The following TTC28 variants were observed in gnomAD, a reference collection of about 807,000 sequenced individuals.
TTC28 encodes the protein tetratricopeptide repeat protein 28.
A neutral mutation model predicts 198.0 loss-of-function variants in TTC28; 61 were observed. The ratio of observed to expected loss-of-function variants is 0.31; its 90% CI spans 0.25 to 0.38. The LOEUF (loss-of-function observed/expected upper bound fraction) is 0.38, where lower values mean the gene tolerates loss of function less well. TTC28 is among the 10% of genes least tolerant of loss of function. The pLI, the probability that TTC28 is intolerant of heterozygous loss-of-function variation, is 1.00. For missense variants in TTC28, 2,678 were observed against 3,164.0 expected, an observed-to-expected ratio of 0.85 and a Z score of 3.69; for synonymous variants, 1,171 against 1,297.8, an observed-to-expected ratio of 0.90 and a Z score of 2.10.
intron 12 of TTC28, among the ~76,000 whole-genome samples, chr22:28,058,922 G>A (rs1204610595): frequency 6.6e-6 from 1 of 151,918 alleles, no homozygotes; most frequent in Non-Finnish European, 1.5e-5. Flanking sequence ...TCCTTGTTAT[G>A]TCCATAAGAT....
intron 1 of TTC28, among the ~76,000 whole-genome samples, chr22:28,634,529 C>T (rs557587184): frequency 8.2e-4 from 120 of 146,874 alleles, no homozygotes; most frequent in Non-Finnish European, 1.5e-3. Flanking sequence ...AAAAAAGAAA[C>T]GGAAATTTCT....
At chr22:28,365,051 A>G (rs2046226079) in intron 2 of TTC28, among the ~76,000 whole-genome samples, 1 of 152,238 alleles carries the variant, frequency 6.6e-6, no homozygotes, top group Admixed American at 6.5e-5. Context: ...GAGTCAATCA[A>G]TGCAGCAAAC....
intron 5 of TTC28, among the ~76,000 whole-genome samples, chr22:28,244,416 G>A (rs1929924897): frequency 3.3e-5 from 5 of 152,120 alleles, no homozygotes; most frequent in African/African-American, 1.2e-4. Flanking sequence ...AATTTACTGA[G>A]AAATAATGTA....
chr22:28,179,165 G>T (rs369419065), intron 5 of TTC28, among the ~76,000 whole-genome samples: 2,303 of 140,970 alleles, frequency 0.016, 29 homozygotes, highest in South Asian at 0.049. Flanking sequence ...TTTTTGTTTT[G>T]TTTTTTTTTT....
At chr22:28,127,411 A>G (rs1942945586) in intron 6 of TTC28, among the ~76,000 whole-genome samples, 1 of 152,130 alleles carries the variant, frequency 6.6e-6, no homozygotes, top group South Asian at 2.1e-4. Flanking sequence ...GCAACAACCA[A>G]CCAACCTCCC....
intron 5 of TTC28, among the ~76,000 whole-genome samples, chr22:28,238,909 C>T (rs79140964): frequency 0.018 from 2,687 of 152,254 alleles, 43 homozygotes; most frequent in Middle Eastern, 0.027. Flanking sequence ...CCAGATGGTT[C>T]AGACTCCCCA....
rs770868202 is a variant in TTC28, at chr22:28,098,877, T to A, written c.3547+38A>T. ...ATGGACGCGCACCCGTGCGCACTAG[T>A]GCACACGTAAGCAAGGAGTAACCCC... is the stretch of plus-strand genomic sequence containing the variant. On this transcript the variant is annotated intron_variant, in intron 10 of 22. Transcript: ENST00000397906. The A allele has an allele frequency of 2.6e-6, 4 of 1,549,162 alleles. No homozygotes were observed. In the South Asian group the frequency reaches 4.8e-5, roughly 18 times the overall value.
At chr22:28,400,745 TA>T (rs2146100625) in intron 2 of TTC28, among the ~76,000 whole-genome samples, 1 of 152,346 alleles carries the variant, frequency 6.6e-6, no homozygotes, top group Admixed American at 6.5e-5. Context: ...ACTTAATATG[TA>T]AATATTGGCT....
chr22:28,123,239 GGTT>G (rs1240732584), intron 6 of TTC28, among the ~76,000 whole-genome samples: 2 of 151,002 alleles, frequency 1.3e-5, no homozygotes, highest in Non-Finnish European at 2.9e-5. Flanking sequence ...CACTGTTTCA[GGTT>G]TTTTTTTTTG....
intron 12 of TTC28, among the ~76,000 whole-genome samples, chr22:28,071,762 A>G (rs1285203611): frequency 1.3e-5 from 2 of 151,574 alleles, no homozygotes; most frequent in South Asian, 2.1e-4. Context: ...AAAAAAAAAA[A>G]AAAGAAAAAC....
At chr22:28,500,877 G>C (rs774420157) in intron 2 of TTC28, among the ~76,000 whole-genome samples, 5 of 152,130 alleles carry the variant, frequency 3.3e-5, no homozygotes, top group Non-Finnish European at 5.9e-5. Context: ...TCAATCACTT[G>C]AGATGCTGCA....
rs185476439 is a variant in TTC28, at chr22:28,194,323, G to A, written c.934-30724C>T. On this transcript the variant is annotated intron_variant, in intron 5 of 22. Transcript: ENST00000397906. ...TTTATAGCACTAAATGCCCACAAGA[G>A]AAAGCAGGAAAGTTCTAAAATTGAC... is the stretch of plus-strand genomic sequence containing the variant. 4.2e-3 allele frequency among the ~76,000 whole-genome samples: 646 copies of A among 152,274 alleles called. 5 individuals carry two copies. Among genetic ancestry groups the A allele is most frequent in the African/African-American group, 0.015 (618 of 41,546 alleles).
chr22:28,317,823 C>A (rs2145839508), intron 2 of TTC28, among the ~76,000 whole-genome samples: 1 of 152,230 alleles, frequency 6.6e-6, no homozygotes, highest in South Asian at 2.1e-4. Flanking sequence ...TATTGTAAAT[C>A]AATCTGTACC....
Position 27,981,834 on chromosome 22 carries a change from G to C in TTC28, c.*387C>G, listed in dbSNP as rs1033895352. The C allele has an allele frequency of 1.1e-5, 2 of 180,728 alleles. No individual in the cohort carries two copies. Among genetic ancestry groups the C allele is most frequent in the African/African-American group, 4.7e-5 (2 of 42,510 alleles). The allele number at this position is 180,728 out of a possible 1,614,324, so 11.2% of individuals were successfully genotyped here. On this transcript the variant is annotated 3_prime_UTR_variant, in exon 23 of 23. Coordinates refer to ENST00000397906, the MANE Select transcript of TTC28 (RefSeq NM_001145418.2). Reference sequence around the variant, plus strand: ...TGTATTTCTGTGTATAAAAGGTACTGCATATATACCTCTTAGCAAAATATG... The same window carrying C: ...TGTATTTCTGTGTATAAAAGGTACTCCATATATACCTCTTAGCAAAATATG...
chr22:28,219,792 C>T (rs941081711), intron 5 of TTC28, among the ~76,000 whole-genome samples: 3 of 152,078 alleles, frequency 2.0e-5, no homozygotes, highest in African/African-American at 4.8e-5. Flanking sequence ...TTGAAAAATG[C>T]GTTAGAAAAT....
At chr22:28,565,468 C>G (rs1040155324) in intron 2 of TTC28, among the ~76,000 whole-genome samples, 3 of 152,104 alleles carry the variant, frequency 2.0e-5, no homozygotes, top group African/African-American at 4.8e-5. Context: ...TTTCAAAGAA[C>G]GAGATCAAAT....
At chr22:28,114,528 C>G (rs1193142218) in intron 6 of TTC28, among the ~76,000 whole-genome samples, 13 of 151,930 alleles carry the variant, frequency 8.6e-5, no homozygotes, top group African/African-American at 2.9e-4. Flanking sequence ...TAATATGCAC[C>G]TGGAGACAAA....
chr22:28,420,837 G>T (rs750750062), intron 2 of TTC28, among the ~76,000 whole-genome samples: 6 of 152,100 alleles, frequency 3.9e-5, no homozygotes, highest in Non-Finnish European at 8.8e-5. Flanking sequence ...CTGACCTCAG[G>T]TGATCCGCCT....
At chr22:28,657,157 C>T (rs533969668) in intron 1 of TTC28, among the ~76,000 whole-genome samples, 28 of 152,284 alleles carry the variant, frequency 1.8e-4, no homozygotes, top group Admixed American at 4.6e-4. Context: ...AACTGTTTGA[C>T]TTTTGCCCAA....
Sources: allele counts gnomAD v4.1 joint callset (sites outside exome capture counted in the v4.1 genomes callset), GRCh38; gene constraint gnomAD v4.1.1; transcripts MANE v1.5; gene names NCBI Gene and HGNC (gene_info 2026-07-23, HGNC 2026-07-21).